The following CHSY3 variants were observed in gnomAD, a reference collection of about 807,000 sequenced individuals.
CHSY3 encodes the protein N-acetylgalactosaminyl-proteoglycan 3-beta-glucuronosyltransferase 3.
A neutral mutation model predicts 67.2 loss-of-function variants in CHSY3; 35 were observed. The observed-to-expected ratio is 0.52, with a 90% CI of 0.40 to 0.69. The LOEUF is 0.69. Ranked by LOEUF, CHSY3 falls within the 30% of genes least tolerant of loss-of-function variation. The pLI, the probability that CHSY3 is intolerant of heterozygous loss-of-function variation, is 0.00. For synonymous variants in CHSY3, 474 were observed against 434.7 expected, an observed-to-expected ratio of 1.09 and a Z score of -1.12; for missense variants, 1,069 against 1,138.5, an observed-to-expected ratio of 0.94 and a Z score of 0.88.
At position 129,904,911 on chromosome 5, in the gene CHSY3, GC is replaced by G. The variant is rs1363555969; in HGVS notation, c.87del (p.Arg30GlyfsTer5). On this transcript the variant is annotated frameshift_variant, in exon 1 of 3. Transcript: ENST00000305031. LOFTEE classifies it high-confidence loss of function. ...CTTCACCGCCGCGTCCTGGCTCATCGCCCCCAGGGTGGCGGAGCTGAGCGAG... is the reference window on the plus strand; with the variant it reads ...CTTCACCGCCGCGTCCTGGCTCATCGCCCCAGGGTGGCGGAGCTGAGCGAG... ...LGFTAASWLI[A>X]PRVAELSERK... The G allele has an allele frequency of 3.9e-6, 6 of 1,531,890 alleles. No individual in the cohort carries two copies. The highest frequency in any genetic ancestry group is 2.5e-5 in the East Asian group (1 of 40,596). The allele number at this position is 1,531,890 out of a possible 1,614,324, so 94.9% of individuals were successfully genotyped here. A position where few individuals can be genotyped will look rare whatever the true frequency, so the allele number is the denominator to read the frequency against.
At chr5:130,106,251 G>A (rs753150948) in intron 2 of CHSY3, among the ~76,000 whole-genome samples, 5 of 151,628 alleles carry the variant, frequency 3.3e-5, no homozygotes, top group Non-Finnish European at 7.4e-5. Flanking sequence ...GTAAGTGGAC[G>A]TATGACAGTC....
At chr5:129,976,382 A>T (rs988187761) in intron 2 of CHSY3, among the ~76,000 whole-genome samples, 1 of 152,146 alleles carries the variant, frequency 6.6e-6, no homozygotes, top group Non-Finnish European at 1.5e-5. Context: ...AAAAGAAACC[A>T]GTTAATAAAT....
At chr5:129,928,056 G>C (rs543553648) in intron 2 of CHSY3, among the ~76,000 whole-genome samples, 1 of 151,686 alleles carries the variant, frequency 6.6e-6, no homozygotes, top group African/African-American at 2.4e-5. Context: ...AAACTTTTAA[G>C]TTCGGGAGTA....
chr5:130,104,751 A>G (rs375592588), intron 2 of CHSY3, among the ~76,000 whole-genome samples: 1 of 151,958 alleles, frequency 6.6e-6, no homozygotes, highest in African/African-American at 2.4e-5. Context: ...ACAAAAAAGT[A>G]TAAGTGCATG....
chr5:130,113,230 T>A (rs1767644412), intron 2 of CHSY3, among the ~76,000 whole-genome samples: 1 of 152,142 alleles, frequency 6.6e-6, no homozygotes, highest in Non-Finnish European at 1.5e-5. Context: ...GATGAATTCA[T>A]ATATTATCCT....
chr5:129,923,286 GA>G (rs1238593528), intron 2 of CHSY3, among the ~76,000 whole-genome samples: 5 of 151,712 alleles, frequency 3.3e-5, no homozygotes, highest in African/African-American at 4.8e-5. Flanking sequence ...AGAAGAAAAA[GA>G]AAAAAAATAA....
At chr5:129,916,867 C>A (rs1012732932) in intron 2 of CHSY3, among the ~76,000 whole-genome samples, 1 of 152,008 alleles carries the variant, frequency 6.6e-6, no homozygotes, top group Non-Finnish European at 1.5e-5. Context: ...TCATCTCTGA[C>A]ATCCTTCTAA....
chr5:130,174,923 C>A (rs1769999523), intron 2 of CHSY3, among the ~76,000 whole-genome samples: 1 of 152,088 alleles, frequency 6.6e-6, no homozygotes, highest in Admixed American at 6.6e-5. Context: ...TGCACATGCA[C>A]CCCCCTGAAT....
chr5:130,184,689 T>A lies in CHSY3; in HGVS notation c.1547T>A (p.Leu516His). 6.2e-7 allele frequency: 1 copy of A among 1,608,862 alleles called. No individual in the cohort carries two copies. The highest frequency in any genetic ancestry group is 8.5e-7 in the Non-Finnish European group (1 of 1,175,222). Residue 516 changes from leucine (L) to histidine (H), a missense_variant, in exon 3 of 3, where the codon CTC (leucine) becomes CAC (histidine). Leu to His is a moderately conservative substitution (Grantham distance 99, BLOSUM62 -3). Around this residue, in one of 5 missense-constraint regions of CHSY3, gnomAD observed 401 missense variants for 395.2 expected, o/e 1.01. Coordinates refer to ENST00000305031, the MANE Select transcript of CHSY3 (RefSeq NM_175856.5). The part of the protein sequence containing the change: ...INENAKSRGR[L>H]IDFKEIQYGY... The stretch of plus-strand genomic sequence containing the variant: ...GAGAATGCCAAGAGCAGAGGACGGC[T>A]CATTGACTTCAAGGAAATTCAGTAT...
chr5:130,129,134 G>A (rs1009862999), intron 2 of CHSY3, among the ~76,000 whole-genome samples: 1 of 152,114 alleles, frequency 6.6e-6, no homozygotes, highest in Non-Finnish European at 1.5e-5. Flanking sequence ...TTTGTGGATG[G>A]TGTACAAGTC....
At chr5:129,930,296 G>A (rs1488756006) in intron 2 of CHSY3, among the ~76,000 whole-genome samples, 2 of 146,372 alleles carry the variant, frequency 1.4e-5, no homozygotes, top group African/African-American at 5.1e-5. Flanking sequence ...TCTCGCCACC[G>A]CACTACAGCC....
chr5:130,005,016 G>T (rs1183299734), intron 2 of CHSY3, among the ~76,000 whole-genome samples: 1 of 151,994 alleles, frequency 6.6e-6, no homozygotes, highest in East Asian at 1.9e-4. Flanking sequence ...TATCATTTGA[G>T]GATCCTATTT....
chr5:130,052,441 A>G (rs543898561), intron 2 of CHSY3, among the ~76,000 whole-genome samples: 13 of 152,142 alleles, frequency 8.5e-5, no homozygotes, highest in Admixed American at 1.3e-4. Flanking sequence ...TTTTGGTATT[A>G]TTATCCATAA....
At chr5:129,994,238 C>T (rs1158143616) in intron 2 of CHSY3, among the ~76,000 whole-genome samples, 1 of 152,050 alleles carries the variant, frequency 6.6e-6, no homozygotes, top group African/African-American at 2.4e-5. Flanking sequence ...CTGTGTATTT[C>T]CTGAATTTGA....
intron 2 of CHSY3, among the ~76,000 whole-genome samples, chr5:129,948,136 A>G (rs1356919638): frequency 2.0e-5 from 3 of 152,338 alleles, no homozygotes; most frequent in South Asian, 2.1e-4. Flanking sequence ...CTAAGAAAAC[A>G]GAGAAGACTC....
chr5:129,972,526 TA>T (rs1369520999), intron 2 of CHSY3, among the ~76,000 whole-genome samples: 1 of 151,994 alleles, frequency 6.6e-6, no homozygotes, highest in Non-Finnish European at 1.5e-5. Context: ...TTCCCCTAAG[TA>T]AAAGTCTTAA....
At chr5:129,973,151 T>C (rs1275373571) in intron 2 of CHSY3, among the ~76,000 whole-genome samples, 1 of 152,088 alleles carries the variant, frequency 6.6e-6, no homozygotes, top group Non-Finnish European at 1.5e-5. Context: ...GTGTCATAGA[T>C]TCTACACTGA....
rs935352848 is a variant in CHSY3 at position 130,057,752 on chromosome 5, T to C, written c.1087-126477T>C. 4.6e-5 allele frequency among the ~76,000 whole-genome samples: 7 copies of C among 152,230 alleles called. No homozygotes were observed. The East Asian group carries it at 1.2e-3, about 25-fold the overall frequency. On this transcript the variant is annotated intron_variant, in intron 2 of 2. Coordinates refer to ENST00000305031, the MANE Select transcript of CHSY3 (RefSeq NM_175856.5). ...GTAACTCTGTTGATGAAAACATTCGTACCAAGATGTTTACCCAATTTGTGA... is the reference window on the plus strand; with the variant it reads ...GTAACTCTGTTGATGAAAACATTCGCACCAAGATGTTTACCCAATTTGTGA...
intron 2 of CHSY3, among the ~76,000 whole-genome samples, chr5:130,096,090 C>T (rs1030914979): frequency 6.6e-6 from 1 of 152,022 alleles, no homozygotes; most frequent in African/African-American, 2.4e-5. Flanking sequence ...TGACTAAGGG[C>T]ATAACAACTA....
Sources: allele counts gnomAD v4.1 joint callset (sites outside exome capture counted in the v4.1 genomes callset), GRCh38; gene constraint gnomAD v4.1.1; regional missense constraint gnomAD v4.1.1; transcripts MANE v1.5; gene names NCBI Gene and HGNC (gene_info 2026-07-23, HGNC 2026-07-21).